The following SLC17A5 variants were observed in gnomAD, a reference collection of about 807,000 sequenced individuals.
The protein encoded by SLC17A5 is solute carrier family 17 member 5.
SLC17A5 carries 47 observed loss-of-function variants against 59.4 expected under a neutral mutation model. The observed-to-expected ratio is 0.79, with a 90% CI of 0.63 to 1.01. The LOEUF is 1.01. Ranked by LOEUF, SLC17A5 falls within the 50% of genes least tolerant of loss-of-function variation. SLC17A5 has a pLI of 0.00. For missense variants in SLC17A5, 522 were observed against 595.5 expected, an observed-to-expected ratio of 0.88 and a Z score of 1.28; for synonymous variants, 202 against 210.7, an observed-to-expected ratio of 0.96 and a Z score of 0.36.
chr6:73,650,238 G>A (rs1234985430), intron 1 of SLC17A5, among the ~76,000 whole-genome samples: 5 of 150,242 alleles, frequency 3.3e-5, no homozygotes, highest in Admixed American at 1.3e-4. Flanking sequence ...GGCCGGGCAC[G>A]GTGGCTCACG....
intron 9 of SLC17A5, among the ~76,000 whole-genome samples, chr6:73,601,234 G>A (rs1234791243): frequency 2.4e-5 from 3 of 126,934 alleles, no homozygotes; most frequent in South Asian, 5.2e-4. Context: ...GCCTGGCCCC[G>A]ACCCCGTCTG....
At chr6:73,649,185 A>G (rs1277077799) in intron 1 of SLC17A5, among the ~76,000 whole-genome samples, 1 of 152,116 alleles carries the variant, frequency 6.6e-6, no homozygotes, top group Non-Finnish European at 1.5e-5. Flanking sequence ...TTTGGTAGAG[A>G]CAGGATTTCA....
intron 7 of SLC17A5, among the ~76,000 whole-genome samples, chr6:73,619,529 T>A (rs528317386): frequency 6.6e-6 from 1 of 150,884 alleles, no homozygotes; most frequent in East Asian, 1.9e-4. Flanking sequence ...CTCTACTATT[T>A]AAAAAAAACA....
chr6:73,641,655 CG>C (rs1769289670), intron 3 of SLC17A5, 35 bp downstream of exon 3: 5 of 1,432,068 alleles, frequency 3.5e-6, no homozygotes, highest in Non-Finnish European at 4.8e-6. Context: ...AGGAGACACA[CG>C]GTAAGAAGTA....
At chr6:73,650,197 C>CA (rs756204732) in intron 1 of SLC17A5, among the ~76,000 whole-genome samples, 3,555 of 38,914 alleles carry the variant, frequency 0.091, 152 homozygotes, top group African/African-American at 0.21. Context: ...CTTTTTTCTA[C>CA]AAAAAAAAAA....
At chr6:73,653,467 A>G in intron 1 of SLC17A5, 1 of 984,690 alleles carries the variant, frequency 1.0e-6, no homozygotes, top group Non-Finnish European at 1.2e-6. Flanking sequence ...ACCCAAAATA[A>G]CCACCAGCTC....
At chr6:73,645,755 T>G (rs964327381) in intron 1 of SLC17A5, among the ~76,000 whole-genome samples, 7 of 127,128 alleles carry the variant, frequency 5.5e-5, no homozygotes, top group Non-Finnish European at 9.2e-5. Flanking sequence ...GCCACTGCAC[T>G]CCAGCCTGGG....
Position 73,644,456 on chromosome 6 carries a change from T to C in SLC17A5, c.242A>G (p.Lys81Arg). Residue 81 changes from lysine to arginine, a missense_variant, in exon 2 of 11, where the codon AAG (lysine) becomes AGG (arginine). Coordinates refer to ENST00000355773, the MANE Select transcript of SLC17A5 (RefSeq NM_012434.5). Reference sequence around the variant, plus strand: ...GGGAGCAGAATGCTCTGGACACGCCTTGGAAGTTCTATTATCTTCTAAAGT... The same window carrying C: ...GGGAGCAGAATGCTCTGGACACGCCCTGGAAGTTCTATTATCTTCTAAAGT... The part of the protein sequence containing the change: ...NTTLEDNRTS[K>R]ACPEHSAPIK... 6.2e-7 allele frequency: 1 copy of C among 1,614,104 alleles called. No homozygotes were observed. Among genetic ancestry groups the C allele is most frequent in the Middle Eastern group, 1.6e-4 (1 of 6,062 alleles).
At chr6:73,595,277 AAGAT>A (rs1766743884) in intron 10 of SLC17A5, 63 bp from the exon 11 acceptor site, 2 of 1,573,696 alleles carry the variant, frequency 1.3e-6, no homozygotes, top group Non-Finnish European at 1.7e-6. Flanking sequence ...CTTCATTAAA[AAGAT>A]AGTGTCACAA....
intron 6 of SLC17A5, among the ~76,000 whole-genome samples, chr6:73,631,385 G>C (rs1768705547): frequency 6.6e-6 from 1 of 151,808 alleles, no homozygotes; most frequent in Non-Finnish European, 1.5e-5. Flanking sequence ...ATGAGTGACT[G>C]CTGTGCCCTT....
intron 6 of SLC17A5, among the ~76,000 whole-genome samples, chr6:73,628,260 A>G (rs1333247321): frequency 1.3e-5 from 2 of 152,062 alleles, no homozygotes; most frequent in Non-Finnish European, 2.9e-5. Context: ...CTAAAATACC[A>G]CTGCTGATAA....
chr6:73,612,638 G>C (rs1767682257), intron 8 of SLC17A5, among the ~76,000 whole-genome samples: 1 of 152,102 alleles, frequency 6.6e-6, no homozygotes, highest in Non-Finnish European at 1.5e-5. Flanking sequence ...GCAGTGTTGT[G>C]ATCATAGCTC....
chr6:73,619,074 G>C (rs1768013133), intron 7 of SLC17A5, among the ~76,000 whole-genome samples: 1 of 152,050 alleles, frequency 6.6e-6, no homozygotes, highest in African/African-American at 2.4e-5. Flanking sequence ...TCAGGGAATA[G>C]GGAAGCTCAA....
In SLC17A5 at chr6:73,636,601, A is replaced by T; in HGVS notation, c.700+20T>A. 1 of 1,278,822 alleles carries T rather than the reference A, an allele frequency of 7.8e-7. No individual in the cohort carries two copies. Among genetic ancestry groups the T allele is most frequent in the Non-Finnish European group, 1.1e-6 (1 of 875,518 alleles). The allele number at this position is 1,278,822 out of a possible 1,614,324, so 79.2% of individuals were successfully genotyped here. ...TTTTGAATTTGTTACATTATAATTT[A>T]GTTAAAATTTTAAACTTACCAAAAA... On this transcript the variant is annotated intron_variant, in intron 5 of 10. Coordinates refer to ENST00000355773, the MANE Select transcript of SLC17A5 (RefSeq NM_012434.5).
intron 9 of SLC17A5, among the ~76,000 whole-genome samples, chr6:73,608,598 A>C (rs941860925): frequency 6.6e-6 from 1 of 152,208 alleles, no homozygotes; most frequent in Non-Finnish European, 1.5e-5. Flanking sequence ...AGCCCAGTTT[A>C]AATTAGAATT....
intron 6 of SLC17A5, among the ~76,000 whole-genome samples, chr6:73,626,321 G>A (rs1225270336): frequency 6.6e-6 from 1 of 152,176 alleles, no homozygotes; most frequent in Non-Finnish European, 1.5e-5. Flanking sequence ...CGAATACAAG[G>A]CTCACAGGGT....
chr6:73,650,936 G>A (rs1374642049), intron 1 of SLC17A5, among the ~76,000 whole-genome samples: 3 of 152,060 alleles, frequency 2.0e-5, no homozygotes, highest in African/African-American at 4.8e-5. Flanking sequence ...TAGTCATGAC[G>A]GTAATTAAGA....
At chr6:73,638,358 A>G in intron 4 of SLC17A5, 54 bp downstream of exon 4, 1 of 1,335,092 alleles carries the variant, frequency 7.5e-7, no homozygotes, top group Non-Finnish European at 1.1e-6. Flanking sequence ...CTTTTTCCCA[A>G]AGGTTGATAT....
At chr6:73,624,063 T>G (rs1768285878) in intron 6 of SLC17A5, among the ~76,000 whole-genome samples, 1 of 152,016 alleles carries the variant, frequency 6.6e-6, no homozygotes, top group Non-Finnish European at 1.5e-5. Flanking sequence ...GGCAGATCAT[T>G]AACTATAACA....
Sources: gnomAD v4.1 joint callset for allele counts (sites outside exome capture counted in the v4.1 genomes callset) on GRCh38, gnomAD v4.1.1 for gene constraint, MANE v1.5 for transcripts, NCBI Gene and HGNC (gene_info 2026-07-23, HGNC 2026-07-21) for gene names.